Variants in SLC6A6 observed in about 807,000 individuals in gnomAD.
SLC6A6 encodes the protein sodium- and chloride-dependent taurine transporter.
A neutral mutation model predicts 68.8 loss-of-function variants in SLC6A6; 16 were observed. The observed-to-expected ratio is 0.23, with a 90% CI of 0.16 to 0.35. The LOEUF is 0.35. Among genes scored for constraint, SLC6A6 ranks in the 10% least tolerant of loss-of-function variants. The pLI, the probability that SLC6A6 is intolerant of heterozygous loss-of-function variation, is 1.00. For missense variants in SLC6A6, 474 were observed against 802.8 expected, an observed-to-expected ratio of 0.59 and a Z score of 4.95; for synonymous variants, 312 against 315.4, an observed-to-expected ratio of 0.99 and a Z score of 0.12.
At chr3:14,414,182 C>G (rs1026324686) in intron 1 of SLC6A6, among the ~76,000 whole-genome samples, 4 of 152,144 alleles carry the variant, frequency 2.6e-5, no homozygotes, top group Non-Finnish European at 2.9e-5. Context: ...CCATGGATGC[C>G]CTAGCTGCTC....
rs1001052643 is a variant in SLC6A6 at position 14,488,107 on chromosome 3, G to A, written c.*3100G>A. The A allele has an allele frequency of 1.2e-4, 18 of 152,946 alleles. No individual in the cohort carries two copies. Among genetic ancestry groups the A allele is most frequent in the African/African-American group, 4.3e-4 (18 of 41,556 alleles). The allele number at this position is 152,946 out of a possible 1,614,324, so 9.5% of individuals were successfully genotyped here. ...GCTAGGAATTGAGATCCCTGTTTGT[G>A]AAAGAGGGAACTGAGGTGCAGAGAA... On this transcript the variant is annotated 3_prime_UTR_variant, in exon 15 of 15. Coordinates refer to ENST00000622186, the MANE Select transcript of SLC6A6 (RefSeq NM_003043.6).
chr3:14,455,191 C>T (rs866267242), intron 5 of SLC6A6, among the ~76,000 whole-genome samples: 1 of 152,212 alleles, frequency 6.6e-6, no homozygotes, highest in African/African-American at 2.4e-5. Context: ...TGAGGTCCTA[C>T]AAAGGGACTA....
chr3:14,419,463 C>A (rs1381840068), intron 2 of SLC6A6, among the ~76,000 whole-genome samples: 1 of 152,176 alleles, frequency 6.6e-6, no homozygotes, highest in Non-Finnish European at 1.5e-5. Flanking sequence ...AATGGACCAG[C>A]CCAAAAAAGT....
At chr3:14,463,126 A>G (rs1004942932) in intron 6 of SLC6A6, among the ~76,000 whole-genome samples, 2 of 152,152 alleles carry the variant, frequency 1.3e-5, no homozygotes, top group African/African-American at 4.8e-5. Flanking sequence ...TGGCGTGACC[A>G]GGATTTGGGG....
At chr3:14,409,340 G>T (rs941297630) in intron 1 of SLC6A6, among the ~76,000 whole-genome samples, 4 of 152,236 alleles carry the variant, frequency 2.6e-5, no homozygotes, top group Non-Finnish European at 5.9e-5. Flanking sequence ...GCCCCGGAGG[G>T]TGCAGAGGAG....
chr3:14,434,125 C>T (rs1699797563), intron 2 of SLC6A6, among the ~76,000 whole-genome samples: 2 of 152,214 alleles, frequency 1.3e-5, no homozygotes, highest in African/African-American at 4.8e-5. Flanking sequence ...TCTTTGCCCC[C>T]AGTTCTTTGC....
In SLC6A6 at chr3:14,467,841, TC is replaced by T. The variant is rs1188716453; in HGVS notation, c.868-7del. 2 of 1,557,866 alleles carry T rather than the reference TC, an allele frequency of 1.3e-6. No individual in the cohort carries two copies. Among genetic ancestry groups the T allele is most frequent in the South Asian group, 1.1e-5 (1 of 87,650 alleles). ...CTCCTCTCTTTCCTTGCCACCTCCC[TC>T]CCCCTCATAGGTGTGGATTGACGCT... On this transcript the variant is annotated splice_polypyrimidine_tract_variant and intron_variant, in intron 7 of 14. Transcript: ENST00000622186.
chr3:14,417,571 A>T (rs1489010936), intron 2 of SLC6A6, among the ~76,000 whole-genome samples: 2 of 152,154 alleles, frequency 1.3e-5, no homozygotes, highest in East Asian at 3.9e-4. Context: ...CTCTACTAAA[A>T]AACACAAAAA....
chr3:14,455,869 CT>C (rs2124964010), intron 5 of SLC6A6, among the ~76,000 whole-genome samples: 1 of 152,398 alleles, frequency 6.6e-6, no homozygotes, highest in African/African-American at 2.4e-5. Context: ...GGGATGCCCC[CT>C]GCCCCAAGGT....
intron 2 of SLC6A6, among the ~76,000 whole-genome samples, chr3:14,428,979 C>T (rs1471058525): frequency 1.3e-5 from 2 of 152,222 alleles, no homozygotes; most frequent in East Asian, 3.8e-4. Flanking sequence ...GCCTGCTCAG[C>T]TGAACTGTGC....
At chr3:14,406,374 G>A (rs1306637910) in intron 1 of SLC6A6, among the ~76,000 whole-genome samples, 1 of 152,236 alleles carries the variant, frequency 6.6e-6, no homozygotes, top group East Asian at 1.9e-4. Context: ...AGTCATACTG[G>A]GTTTAAGGAT....
chr3:14,484,831 G>A (rs111798601), intron 14 of SLC6A6, 36 bp from the exon 15 acceptor site: 1 of 1,603,604 alleles, frequency 6.2e-7, no homozygotes, highest in Non-Finnish European at 8.5e-7. Context: ...CAGGCCGCCT[G>A]ACGTTTCCCC....
intron 1 of SLC6A6, among the ~76,000 whole-genome samples, chr3:14,411,587 C>G (rs151180830): frequency 6.6e-6 from 1 of 152,210 alleles, no homozygotes; most frequent in African/African-American, 2.4e-5. Context: ...ATGCACTTGA[C>G]TGGGGACACA....
chr3:14,444,893 C>G, intron 3 of SLC6A6: 2 of 453,118 alleles, frequency 4.4e-6, no homozygotes. Context: ...CAATGCTTTG[C>G]CCCCCCATTC....
chr3:14,444,685 A>G, intron 3 of SLC6A6: 2 of 455,830 alleles, frequency 4.4e-6, no homozygotes, highest in South Asian at 3.1e-5. Context: ...ACATTAGTAG[A>G]ACCACCTTTT....
At chr3:14,466,399 C>T (rs1466694498) in intron 6 of SLC6A6, 117 bp from the exon 7 acceptor site, 4 of 1,207,646 alleles carry the variant, frequency 3.3e-6, no homozygotes, top group Middle Eastern at 2.0e-4. Context: ...GACAGCAAAC[C>T]TGGCTCCAGA....
chr3:14,408,005 G>A (rs896308623), intron 1 of SLC6A6, among the ~76,000 whole-genome samples: 12 of 151,680 alleles, frequency 7.9e-5, no homozygotes, highest in East Asian at 5.8e-4. Flanking sequence ...TCCACAATGC[G>A]TTCATCCATG....
intron 5 of SLC6A6, among the ~76,000 whole-genome samples, chr3:14,452,456 C>A (rs1700275106): frequency 1.3e-5 from 2 of 152,224 alleles, no homozygotes. Context: ...GCAAAGCTTC[C>A]AGCCCTGGCA....
chr3:14,446,289 A>G (rs1700119063), intron 4 of SLC6A6, among the ~76,000 whole-genome samples: 1 of 152,240 alleles, frequency 6.6e-6, no homozygotes, highest in Non-Finnish European at 1.5e-5. Context: ...GAAGGTCATT[A>G]TCCTAAGTGA....
Sources: gnomAD v4.1 joint callset for allele counts (sites outside exome capture counted in the v4.1 genomes callset) on GRCh38, gnomAD v4.1.1 for gene constraint, MANE v1.5 for transcripts, NCBI Gene and HGNC (gene_info 2026-07-23, HGNC 2026-07-21) for gene names.